Variants in MAP3K13 observed in about 807,000 individuals in gnomAD.
MAP3K13 encodes the protein mitogen-activated protein kinase kinase kinase 13, also known as leucine zipper-bearing kinase.
In MAP3K13, 52 loss-of-function variants were observed where a neutral mutation model predicts 104.0. The observed-to-expected ratio is 0.50, with a 90% CI of 0.40 to 0.63. The LOEUF (loss-of-function observed/expected upper bound fraction) is 0.63. Ranked by LOEUF, MAP3K13 falls within the 20% of genes least tolerant of loss-of-function variation. The pLI is 0.00. For missense variants in MAP3K13, 914 were observed against 1,218.5 expected, an observed-to-expected ratio of 0.75 and a Z score of 3.72; for synonymous variants, 394 against 442.2, an observed-to-expected ratio of 0.89 and a Z score of 1.37.
At chr3:185,448,146 C>G (rs778466904) in intron 5 of MAP3K13, 199 bp downstream of exon 5, 2 of 740,478 alleles carry the variant, frequency 2.7e-6, no homozygotes, top group Non-Finnish European at 4.9e-6. Flanking sequence ...ATTAGGGTGG[C>G]TATCTACTCA....
chr3:185,443,634 T>C lies in MAP3K13; in HGVS notation c.849T>C (p.Pro283=). The C allele has an allele frequency of 3.1e-6, 5 of 1,611,798 alleles. No individual in the cohort carries two copies. The highest frequency in any genetic ancestry group is 4.2e-6 in the Non-Finnish European group (5 of 1,178,154). ...HKIIHRDLKS[P]NVLVTHTDAV... is the part of the protein sequence containing the mutation. Reference sequence around the variant, plus strand: ...TTATTCATCGTGATCTCAAATCACCTAAGTGAGTTCTGGGGCTAATGTTTC... The same window carrying C: ...TTATTCATCGTGATCTCAAATCACCCAAGTGAGTTCTGGGGCTAATGTTTC... Residue 283 remains proline (P), a splice_region_variant and synonymous_variant, in exon 4 of 14, where the codon CCT becomes CCC. Coordinates refer to ENST00000265026, the MANE Select transcript of MAP3K13 (RefSeq NM_004721.5).
At chr3:185,456,653 G>T (rs9854576) in intron 7 of MAP3K13, among the ~76,000 whole-genome samples, 2 of 139,922 alleles carry the variant, frequency 1.4e-5, no homozygotes, top group Non-Finnish European at 3.0e-5. Context: ...CCAGGCTGGA[G>T]TGCAGTGTCG....
rs186021908 is a variant in MAP3K13, at chr3:185,387,568, A to C, written c.-86+24200A>C. Among the ~76,000 whole-genome samples, 95 of 152,272 alleles carry C rather than the reference A, an allele frequency of 6.2e-4. 1 individual carries two copies. The East Asian group carries it at 0.018, about 28-fold the overall frequency. ...TTAAGAACACAAAATGGACTAAGACACCATATGATCACCTCAATAGATGCA... is the reference window on the plus strand; with the variant it reads ...TTAAGAACACAAAATGGACTAAGACCCCATATGATCACCTCAATAGATGCA... On this transcript the variant is annotated intron_variant, in intron 1 of 13. Coordinates refer to ENST00000265026, the MANE Select transcript of MAP3K13 (RefSeq NM_004721.5).
chr3:185,423,526 G>A lies in MAP3K13; in HGVS notation c.-85-4971G>A, dbSNP rs538479532. 6.6e-5 allele frequency among the ~76,000 whole-genome samples: 10 copies of A among 152,328 alleles called. No homozygotes were observed. The highest frequency in any genetic ancestry group is 2.1e-4 in the South Asian group (1 of 4,822). On this transcript the variant is annotated intron_variant, in intron 1 of 13. Coordinates refer to ENST00000265026, the MANE Select transcript of MAP3K13 (RefSeq NM_004721.5). The surrounding 1 kb of genome is among the most constrained non-coding windows in gnomAD (Gnocchi z 4.1). ...AATGTCAAAGCTCAGAGATGAGCAC[G>A]AAAAGAACAGGGGAGGGGAGGCTGG...
Position 185,469,020 on chromosome 3 carries a change from T to C in MAP3K13, c.1643+2057T>C, listed in dbSNP as rs146150019. ...TTTGACAACACAAGTAGATGCTTAGTCAATGAGCTAGCTGAACACGAGGAA... is the reference window on the plus strand; with the variant it reads ...TTTGACAACACAAGTAGATGCTTAGCCAATGAGCTAGCTGAACACGAGGAA... On this transcript the variant is annotated intron_variant, in intron 10 of 13. Transcript: ENST00000265026. Among the ~76,000 whole-genome samples, 6 of 152,356 alleles carry C rather than the reference T, an allele frequency of 3.9e-5. No individual in the cohort carries two copies. The East Asian group carries it at 5.8e-4, about 15-fold the overall frequency.
At chr3:185,400,836 G>T (rs1398542073) in intron 1 of MAP3K13, among the ~76,000 whole-genome samples, 12 of 134,448 alleles carry the variant, frequency 8.9e-5, no homozygotes, top group African/African-American at 1.4e-4. Flanking sequence ...TGTAATTTTT[G>T]ATTGTTTCAA....
chr3:185,442,353 T>G (rs2148891999), intron 3 of MAP3K13, among the ~76,000 whole-genome samples: 1 of 152,120 alleles, frequency 6.6e-6, no homozygotes, highest in East Asian at 1.9e-4. Flanking sequence ...TCAAAGATTA[T>G]GTAAGATGGA....
At chr3:185,359,109 T>C (rs1723495747), upstream of MAP3K13, among the ~76,000 whole-genome samples, 1 of 152,198 alleles carries the variant, frequency 6.6e-6, no homozygotes, top group Non-Finnish European at 1.5e-5. Flanking sequence ...AGAGGTTTAA[T>C]TGGACTTACA....
At chr3:185,470,304 G>T (rs1450642316) in intron 10 of MAP3K13, among the ~76,000 whole-genome samples, 1 of 152,198 alleles carries the variant, frequency 6.6e-6, no homozygotes, top group Non-Finnish European at 1.5e-5. Flanking sequence ...GCTCTGCCCT[G>T]AATCAGTTCA....
intron 10 of MAP3K13, among the ~76,000 whole-genome samples, chr3:185,472,419 G>A (rs1255941205): frequency 2.0e-5 from 3 of 151,834 alleles, no homozygotes; most frequent in Non-Finnish European, 4.4e-5. Context: ...CACCATGTTG[G>A]CCAGGATGGT....
chr3:185,350,974 C>T (rs958229441), intron 2 of MAP3K13, among the ~76,000 whole-genome samples: 9 of 152,074 alleles, frequency 5.9e-5, no homozygotes, highest in Non-Finnish European at 1.0e-4. Context: ...ACCTATCAAC[C>T]GTAGACTAGA....
intron 2 of MAP3K13, among the ~76,000 whole-genome samples, chr3:185,324,828 A>G (rs1721993931): frequency 6.6e-6 from 1 of 152,070 alleles, no homozygotes; most frequent in Non-Finnish European, 1.5e-5. Flanking sequence ...AAAACTGCTC[A>G]AACAAACTAC....
intron 1 of MAP3K13, among the ~76,000 whole-genome samples, chr3:185,370,674 A>G (rs1419036565): frequency 2.0e-5 from 3 of 147,390 alleles, no homozygotes; most frequent in Non-Finnish European, 4.4e-5. Flanking sequence ...CTGATCAGTT[A>G]TGACTTCAAC....
At chr3:185,472,199 C>T (rs1717837722) in intron 10 of MAP3K13, among the ~76,000 whole-genome samples, 1 of 148,400 alleles carries the variant, frequency 6.7e-6, no homozygotes, top group African/African-American at 2.5e-5. Flanking sequence ...CATCTCATCC[C>T]TTCTTCTTTT....
At chr3:185,439,704 G>A (rs1053114315) in intron 3 of MAP3K13, among the ~76,000 whole-genome samples, 1 of 152,154 alleles carries the variant, frequency 6.6e-6, no homozygotes, top group South Asian at 2.1e-4. Context: ...ATGGTGTTGT[G>A]AGAAGCTTTA....
intron 7 of MAP3K13, among the ~76,000 whole-genome samples, chr3:185,455,332 T>TATATATGATATATATATGAGATATATATG (rs1716461190): frequency 9.7e-6 from 1 of 103,498 alleles, no homozygotes; most frequent in South Asian, 2.9e-4. Flanking sequence ...ATATATATGA[T>TATATATGATATATATATGAGATATATATG]ATATATGAGA....
At position 185,315,350 on chromosome 3, in the gene MAP3K13, G is replaced by T. The variant is rs182453846; in HGVS notation, c.-86+29707G>T. Among the ~76,000 whole-genome samples the T allele has an allele frequency of 1.7e-4, 26 of 152,272 alleles. No homozygotes were observed. Among genetic ancestry groups the T allele is most frequent in the Non-Finnish European group, 3.2e-4 (22 of 68,014 alleles). ...CCCTAGAGGAGTAACTTAACAAAAA[G>T]GGGAGAGAATGTATGTGTGTATGTC... is the stretch of plus-strand genomic sequence containing the variant. On this transcript the variant is annotated intron_variant, in intron 2 of 14. Coordinates refer to the MAP3K13 transcript ENST00000424227. This position sits in a 1 kb window ranked among gnomAD's most constrained non-coding sequence, Gnocchi z 4.3.
intron 2 of MAP3K13, among the ~76,000 whole-genome samples, chr3:185,324,263 C>T (rs2108698578): frequency 6.6e-6 from 1 of 152,272 alleles, no homozygotes; most frequent in South Asian, 2.1e-4. Flanking sequence ...CGTGATCCGC[C>T]TGCCTCGGCC....
chr3:185,303,963 A>T (rs1430287298), intron 2 of MAP3K13, among the ~76,000 whole-genome samples: 3 of 152,022 alleles, frequency 2.0e-5, no homozygotes, highest in Non-Finnish European at 2.9e-5. Context: ...ACCACTAATA[A>T]CTTTCCCCCT....
Sources: allele counts gnomAD v4.1 joint callset (sites outside exome capture counted in the v4.1 genomes callset), GRCh38; gene constraint gnomAD v4.1.1; non-coding constraint Gnocchi (gnomAD v3.1); transcripts MANE v1.5; gene names NCBI Gene and HGNC (gene_info 2026-07-23, HGNC 2026-07-21).